APBA2: variants seen among roughly 807,000 people sequenced by gnomAD.
The protein encoded by APBA2 is amyloid-beta A4 precursor protein-binding family A member 2.
APBA2 carries 30 observed loss-of-function variants against 75.0 expected under a neutral mutation model. The ratio of observed to expected loss-of-function variants is 0.40; its 90% CI spans 0.30 to 0.54. The LOEUF (loss-of-function observed/expected upper bound fraction) is 0.54. APBA2 is among the 20% of genes least tolerant of loss of function. The probability of loss-of-function intolerance (pLI) is 0.49; values close to 1 mark genes in which losing one functional copy is unlikely to be tolerated. For missense variants in APBA2, 801 were observed against 1,016.1 expected (o/e 0.79, Z 2.88); for synonymous variants, 444 against 409.6 (o/e 1.08, Z -1.01).
At chr15:29,010,441 G>C (rs1299995553) in intron 3 of APBA2, among the ~76,000 whole-genome samples, 1 of 152,134 alleles carries the variant, frequency 6.6e-6, no homozygotes, top group South Asian at 2.1e-4. Context: ...GTATTTTTTA[G>C]TAGAGACGGG....
At chr15:29,099,096 G>T (rs981738228) in intron 9 of APBA2, among the ~76,000 whole-genome samples, 1 of 152,124 alleles carries the variant, frequency 6.6e-6, no homozygotes, top group Admixed American at 6.5e-5. Flanking sequence ...GGCACTTGGT[G>T]AAAACTCAGG....
chr15:28,952,922 C>T (rs775936592), intron 2 of APBA2, among the ~76,000 whole-genome samples: 21 of 152,184 alleles, frequency 1.4e-4, no homozygotes, highest in Admixed American at 1.3e-3. Flanking sequence ...TAATGGAGAT[C>T]GACTCACATT....
rs1416887852 is a variant in APBA2, at chr15:29,054,720, C to T, written c.836C>T (p.Ala279Val). 19 of 1,613,182 alleles carry T rather than the reference C, an allele frequency of 1.2e-5. No homozygotes were observed. Among genetic ancestry groups the T allele is most frequent in the East Asian group, 2.2e-5 (1 of 44,882 alleles). Residue 279 changes from alanine to valine, a missense_variant, in exon 4 of 15, where the codon GCG becomes GTG. Physicochemically the swap from Ala to Val is moderately conservative, Grantham distance 64. Coordinates refer to ENST00000683413, the MANE Select transcript of APBA2 (RefSeq NM_001353788.2). This position sits in a 1 kb window ranked among gnomAD's most constrained non-coding sequence, Gnocchi z 6.1. ...AGCTGCAGCCCCAGCAGGCACGAGG[C>T]GAGGCCCAAGTCGCTGAACCTCCTT... is the stretch of plus-strand genomic sequence containing the variant. ...KASCSPSRHE[A>V]RPKSLNLLPE...
chr15:29,085,892 T>C (rs1391885665), intron 6 of APBA2, among the ~76,000 whole-genome samples: 1 of 152,108 alleles, frequency 6.6e-6, no homozygotes, highest in African/African-American at 2.4e-5. Context: ...TGAGAGTGTA[T>C]ATGTCTATGT....
At chr15:28,896,578 CTCTT>C (rs2032506231) in intron 1 of APBA2, among the ~76,000 whole-genome samples, 2 of 152,310 alleles carry the variant, frequency 1.3e-5, no homozygotes, top group South Asian at 4.1e-4. Flanking sequence ...CGCGCCTGGC[CTCTT>C]TCTTTATTGT....
rs749686984 is a variant in APBA2 at position 29,054,518 on chromosome 15, C to T, written c.634C>T (p.Leu212=). The change falls in exon 4 of 15, where the codon CTG becomes TTG. Residue 212 remains leucine, a synonymous_variant. Coordinates refer to ENST00000683413, the MANE Select transcript of APBA2 (RefSeq NM_001353788.2). This position sits in a 1 kb window ranked among gnomAD's most constrained non-coding sequence, Gnocchi z 6.1. The part of the protein sequence containing the change: ...NGNTGASPYR[L]RRGDGDLEDQ... ...GAACACCGGCGCCTCCCCCTACCGC[C>T]TGAGGCGTGGGGATGGGGACCTGGA... 3 of 1,613,478 alleles carry T rather than the reference C, an allele frequency of 1.9e-6. No individual in the cohort carries two copies. The highest frequency in any genetic ancestry group is 2.2e-5 in the South Asian group (2 of 90,970).
intron 3 of APBA2, among the ~76,000 whole-genome samples, chr15:29,040,644 G>A (rs943204926): frequency 6.6e-6 from 1 of 152,236 alleles, no homozygotes; most frequent in East Asian, 1.9e-4. Flanking sequence ...CAGAGCTTGT[G>A]TTCTCAACCT....
chr15:28,953,220 AATAATGTATAGT>A (rs1282477932), intron 2 of APBA2, among the ~76,000 whole-genome samples: 1 of 152,148 alleles, frequency 6.6e-6, no homozygotes, highest in East Asian at 1.9e-4. Context: ...CCGAGTTGGA[AATAATGTATAGT>A]TGGCTCAAAA....
chr15:28,949,165 G>T (rs556921387), intron 2 of APBA2, among the ~76,000 whole-genome samples: 3 of 152,012 alleles, frequency 2.0e-5, no homozygotes, highest in Admixed American at 6.5e-5. Flanking sequence ...TTCATGTGCC[G>T]TTGTTTGCAT....
intron 1 of APBA2, among the ~76,000 whole-genome samples, chr15:28,894,290 C>A (rs1046699440): frequency 1.3e-5 from 2 of 152,202 alleles, no homozygotes; most frequent in Non-Finnish European, 2.9e-5. Context: ...ATTTTCTGAG[C>A]AGCTACTGTA....
intron 11 of APBA2, 141 bp from the exon 12 acceptor site, chr15:29,106,466 C>T: frequency 1.0e-6 from 1 of 968,130 alleles, no homozygotes. Context: ...CAAGACCTCT[C>T]CTGGCTGAGA....
intron 3 of APBA2, among the ~76,000 whole-genome samples, chr15:29,025,165 T>G (rs1315506269): frequency 6.6e-6 from 1 of 152,178 alleles, no homozygotes; most frequent in Non-Finnish European, 1.5e-5. Context: ...TACCATTTAT[T>G]AATAAGATGC....
chr15:28,979,161 T>G (rs574444699), intron 2 of APBA2, among the ~76,000 whole-genome samples: 2 of 152,270 alleles, frequency 1.3e-5, no homozygotes, highest in East Asian at 3.9e-4. Context: ...CCTGCCCCGA[T>G]TCCAGGCTGG....
chr15:29,030,339 A>G (rs1007263229), intron 3 of APBA2, among the ~76,000 whole-genome samples: 11 of 151,930 alleles, frequency 7.2e-5, no homozygotes, highest in African/African-American at 1.2e-4. Flanking sequence ...GCGGGTGCCT[A>G]TAGTCCCAGC....
At position 29,054,511 on chromosome 15, in the gene APBA2, C is replaced by G; in HGVS notation, c.627C>G (p.Pro209=). ...CCAACGGGAACACCGGCGCCTCCCC[C>G]TACCGCCTGAGGCGTGGGGATGGGG... is the stretch of plus-strand genomic sequence containing the variant. The part of the protein sequence containing the change: ...EEANGNTGAS[P]YRLRRGDGDL... Residue 209 remains proline, a synonymous_variant, in exon 4 of 15, where the codon CCC becomes CCG. Transcript: ENST00000683413. The surrounding 1 kb of genome is among the most constrained non-coding windows in gnomAD (Gnocchi z 6.1). 1 of 1,613,542 alleles carries G rather than the reference C, an allele frequency of 6.2e-7. No homozygotes were observed. The highest frequency in any genetic ancestry group is 8.5e-7 in the Non-Finnish European group (1 of 1,179,794).
At chr15:28,988,214 T>C (rs1448422120) in intron 2 of APBA2, among the ~76,000 whole-genome samples, 1 of 152,182 alleles carries the variant, frequency 6.6e-6, no homozygotes, top group Non-Finnish European at 1.5e-5. Flanking sequence ...TTCTGCATTT[T>C]GTCTGTAAGC....
chr15:28,938,993 C>G (rs1048275885), intron 2 of APBA2, among the ~76,000 whole-genome samples: 2 of 152,178 alleles, frequency 1.3e-5, no homozygotes, highest in Non-Finnish European at 2.9e-5. Context: ...TTAAATTGTG[C>G]GCATGAAACA....
intron 9 of APBA2, 99 bp from the exon 10 acceptor site, chr15:29,101,500 A>G (rs1298429305): frequency 3.7e-6 from 5 of 1,364,938 alleles, no homozygotes; most frequent in Non-Finnish European, 5.1e-6. Flanking sequence ...CCAAAGTGCT[A>G]GGATTACAGG....
rs566924960 is a variant in APBA2, at chr15:28,933,574, A to C, written c.-95+11825A>C. Among the ~76,000 whole-genome samples, 84 of 152,366 alleles carry C rather than the reference A, an allele frequency of 5.5e-4. No individual in the cohort carries two copies. In the Middle Eastern group the frequency reaches 0.02, roughly 37 times the overall value. The stretch of plus-strand genomic sequence containing the variant: ...CTTTGAAAGAGAGTGTGGGGCTCAC[A>C]GTCTGCTAGTAAAGACAGTTGTAGG... On this transcript the variant is annotated intron_variant, in intron 2 of 14. Coordinates refer to ENST00000683413, the MANE Select transcript of APBA2 (RefSeq NM_001353788.2).
Sources: allele counts gnomAD v4.1 joint callset (sites outside exome capture counted in the v4.1 genomes callset), GRCh38; gene constraint gnomAD v4.1.1; non-coding constraint Gnocchi (gnomAD v3.1); transcripts MANE v1.5; gene names NCBI Gene and HGNC (gene_info 2026-07-23, HGNC 2026-07-21).